DUS3L: variants seen among roughly 807,000 people sequenced by gnomAD.
DUS3L encodes the protein dihydrouridine synthase 3 like, also known as tRNA-dihydrouridine(47) synthase [NAD(P)(+)]-like.
A neutral mutation model predicts 74.6 loss-of-function variants in DUS3L; 62 were observed. The observed-to-expected ratio is 0.83, with a 90% CI of 0.68 to 1.03. The LOEUF is 1.03. DUS3L is among the 50% of genes least tolerant of loss of function. DUS3L has a pLI of 0.00. For synonymous variants in DUS3L, 433 were observed against 395.7 expected (o/e 1.09, Z -1.12); for missense variants, 884 against 924.4 (o/e 0.96, Z 0.57).
At chr19:5,789,115 G>A (rs1383310163) in intron 3 of DUS3L, 92 bp downstream of exon 3, 8 of 1,475,344 alleles carry the variant, frequency 5.4e-6, no homozygotes, top group Non-Finnish European at 5.4e-6. Flanking sequence ...CTGACTCCCA[G>A]GCAGCTAGAA....
At position 5,787,088 on chromosome 19, in the gene DUS3L, C is replaced by A; in HGVS notation, c.1362G>T (p.Leu454=). 1 of 1,279,644 alleles carries A rather than the reference C, an allele frequency of 7.8e-7. No individual in the cohort carries two copies. Among genetic ancestry groups the A allele is most frequent in the East Asian group, 4.2e-5 (1 of 24,002 alleles). The allele number at this position is 1,279,644 out of a possible 1,614,324, so 79.3% of individuals were successfully genotyped here. A position where few individuals can be genotyped will look rare whatever the true frequency, so the allele number is the denominator to read the frequency against. Residue 454 remains leucine, a synonymous_variant, in exon 8 of 13, where the codon CTG becomes CTT. Coordinates refer to ENST00000309061, the MANE Select transcript of DUS3L (RefSeq NM_020175.3). ...VNLAHRLLPE[L]RDWGVALVTL... The stretch of plus-strand genomic sequence containing the variant: ...TGACGAGTGCCACGCCCCAGTCCCG[C>A]AGCTCGGGCAGCAGGCGGTGCGCCA...
rs1037669915 is a variant in DUS3L at position 5,788,068 on chromosome 19, C to A, written c.1051G>T (p.Ala351Ser). 60 of 1,613,680 alleles carry A rather than the reference C, an allele frequency of 3.7e-5. No homozygotes were observed. The highest frequency in any genetic ancestry group is 5.1e-5 in the Non-Finnish European group (60 of 1,179,994). ...NLLQGQMSEW[A>S]LLKRHQCEDI... ...TCACACTGGTGGCGTTTGAGTAGGGCCCACTCGGACATCTGGCCCTGCAGC... is the reference window on the plus strand; with the variant it reads ...TCACACTGGTGGCGTTTGAGTAGGGACCACTCGGACATCTGGCCCTGCAGC... Residue 351 changes from alanine (A) to serine (S), a missense_variant, in exon 5 of 13, where the codon GCC becomes TCC. Transcript: ENST00000309061.
intron 1 of DUS3L, 117 bp downstream of exon 1, chr19:5,790,927 A>G: frequency 9.9e-7 from 1 of 1,012,040 alleles, no homozygotes; most frequent in Non-Finnish European, 1.5e-6. Flanking sequence ...GCCCGGAATG[A>G]AGAGCCGGTG....
At chr19:5,785,539 C>T (rs1413647805) in intron 11 of DUS3L, 28 bp from the exon 12 acceptor site, 1 of 1,546,646 alleles carries the variant, frequency 6.5e-7, no homozygotes, top group East Asian at 2.3e-5. Flanking sequence ...GCAGGACAGG[C>T]TTGAGTCAGC....
intron 3 of DUS3L, among the ~76,000 whole-genome samples, 161 bp from the exon 4 acceptor site, chr19:5,788,559 T>C (rs1279401513): frequency 6.6e-6 from 1 of 152,174 alleles, no homozygotes; most frequent in Admixed American, 6.6e-5. Context: ...TCATCAGGAA[T>C]GTTCCTTTCC....
intron 1 of DUS3L, 98 bp downstream of exon 1, chr19:5,790,946 C>T: frequency 1.6e-6 from 2 of 1,226,412 alleles, no homozygotes; most frequent in Non-Finnish European, 2.3e-6. Context: ...TGGCTTCTCG[C>T]CCTCAGCCGC....
rs1250989158 is a variant in DUS3L at position 5,789,429 on chromosome 19, C to A, written c.678G>T (p.Glu226Asp). 6.3e-7 allele frequency: 1 copy of A among 1,598,190 alleles called. No individual in the cohort carries two copies. The highest frequency in any genetic ancestry group is 1.3e-5 in the African/African-American group (1 of 74,958). Residue 226 changes from glutamate to aspartate, a missense_variant, in exon 3 of 13, where the codon GAG becomes GAT. Transcript: ENST00000309061. Reference sequence around the variant, plus strand: ...ACCGGCGCAGGGCCTGCTCAGCTCGCTCGAAGCGGACCTCGCGCTTCCGCA... The same window carrying A: ...ACCGGCGCAGGGCCTGCTCAGCTCGATCGAAGCGGACCTCGCGCTTCCGCA... ...QQLRKREVRF[E>D]RAEQALRRFS...
intron 2 of DUS3L, 108 bp downstream of exon 2, chr19:5,789,939 C>G: frequency 6.8e-7 from 1 of 1,460,888 alleles, no homozygotes; most frequent in Non-Finnish European, 9.3e-7. Flanking sequence ...AGAGCAAGCT[C>G]ACTGCTCGTT....
At chr19:5,789,917 C>A (rs1175343122) in intron 2 of DUS3L, 130 bp downstream of exon 2, 1 of 1,358,210 alleles carries the variant, frequency 7.4e-7, no homozygotes. Context: ...AGAATGAAGA[C>A]GGAATGGCAT....
At chr19:5,787,900 T>C in intron 5 of DUS3L, 124 bp downstream of exon 5, 8 of 1,474,222 alleles carry the variant, frequency 5.4e-6, no homozygotes, top group Non-Finnish European at 7.3e-6. Flanking sequence ...GATCAGGGCA[T>C]CACCCCCACT....
At chr19:5,787,790 C>T in intron 5 of DUS3L, 85 bp from the exon 6 acceptor site, 1 of 1,512,668 alleles carries the variant, frequency 6.6e-7, no homozygotes, top group East Asian at 2.3e-5. Flanking sequence ...ACTGGGGGGC[C>T]CTGAGCCAGT....
intron 4 of DUS3L, 25 bp from the exon 5 acceptor site, chr19:5,788,201 A>C: frequency 6.2e-7 from 1 of 1,612,818 alleles, no homozygotes; most frequent in Non-Finnish European, 8.5e-7. Context: ...GGACAGACAC[A>C]CATGCTCTTG....
At chr19:5,790,775 C>A in intron 1 of DUS3L, 1 of 584,076 alleles carries the variant, frequency 1.7e-6, no homozygotes. Context: ...TATGCAGGGA[C>A]TACAATCCCC....
rs1015407861 is a variant in DUS3L at position 5,789,497 on chromosome 19, G to A, written c.610C>T (p.Pro204Ser). The change falls in exon 3 of 13, where the codon CCG (proline) becomes TCG (serine). Residue 204 changes from proline to serine, a missense_variant. Pro to Ser is a moderately conservative substitution (Grantham distance 74). Coordinates refer to ENST00000309061, the MANE Select transcript of DUS3L (RefSeq NM_020175.3). ...TTGTCCAGGCCGTTGCGGATGGACG[G>A]GGGCTGGGTCCCGCGGGCCGCCAAC... ...EELAARGTQP[P>S]SIRNGLDKAL... 8 of 1,605,082 alleles carry A rather than the reference G, an allele frequency of 5.0e-6. No homozygotes were observed. The highest frequency in any genetic ancestry group is 6.8e-6 in the Non-Finnish European group (8 of 1,179,036).
chr19:5,788,079 A>G lies in DUS3L; in HGVS notation c.1040T>C (p.Met347Thr), dbSNP rs200834506. The part of the protein sequence containing the change: ...AVCTNLLQGQ[M>T]SEWALLKRHQ... Reference sequence around the variant, plus strand: ...GCGTTTGAGTAGGGCCCACTCGGACATCTGGCCCTGCAGCAGGTTGGTGCA... The same window carrying G: ...GCGTTTGAGTAGGGCCCACTCGGACGTCTGGCCCTGCAGCAGGTTGGTGCA... Residue 347 changes from methionine to threonine, a missense_variant, in exon 5 of 13, where the codon ATG becomes ACG. Coordinates refer to ENST00000309061, the MANE Select transcript of DUS3L (RefSeq NM_020175.3). The G allele has an allele frequency of 3.9e-5, 63 of 1,613,768 alleles. No homozygotes were observed. In the East Asian group the frequency reaches 1.4e-3, roughly 36 times the overall value.
Position 5,787,583 on chromosome 19 carries a change from C to G in DUS3L, c.1212+6G>C. 1.2e-6 allele frequency: 2 copies of G among 1,612,754 alleles called. No individual in the cohort carries two copies. The highest frequency in any genetic ancestry group is 3.3e-5 in the Admixed American group (2 of 60,004). The stretch of plus-strand genomic sequence containing the variant: ...GGAAACCGAGGCACACGTCCAGGGC[C>G]GCTACCTTCTTGTACACGAGGTCGA... On this transcript the variant is annotated splice_donor_region_variant and intron_variant, in intron 6 of 12. Transcript: ENST00000309061.
At chr19:5,790,773 GA>G in intron 1 of DUS3L, 1 of 581,482 alleles carries the variant, frequency 1.7e-6, no homozygotes, top group South Asian at 2.0e-5. Flanking sequence ...CATATGCAGG[GA>G]CTACAATCCC....
Position 5,788,347 on chromosome 19 carries a change from C to T in DUS3L, c.942+10G>A, listed in dbSNP as rs757246073. 2 of 1,613,802 alleles carry T rather than the reference C, an allele frequency of 1.2e-6. No individual in the cohort carries two copies. The highest frequency in any genetic ancestry group is 1.1e-5 in the South Asian group (1 of 91,080). ...CTGCCACCCGACCAGCCACCTGACC[C>T]AGGTCCTACCGTGGTGAGGGGGGCC... is the stretch of plus-strand genomic sequence containing the variant. On this transcript the variant is annotated intron_variant, in intron 4 of 12. Transcript: ENST00000309061.
chr19:5,786,406 T>TTGG, intron 10 of DUS3L, 61 bp downstream of exon 10: 1 of 1,540,530 alleles, frequency 6.5e-7, no homozygotes, highest in South Asian at 1.2e-5. Context: ...TGACGGCGTG[T>TTGG]TGGGTTCAGG....
Sources: gnomAD v4.1 joint callset for allele counts (sites outside exome capture counted in the v4.1 genomes callset) on GRCh38, gnomAD v4.1.1 for gene constraint, MANE v1.5 for transcripts, NCBI Gene and HGNC (gene_info 2026-07-23, HGNC 2026-07-21) for gene names.